The following PFKP variants were observed in gnomAD, a reference collection of about 807,000 sequenced individuals.
PFKP encodes phosphofructokinase, platelet.
A neutral mutation model predicts 94.3 loss-of-function variants in PFKP; 101 were observed. That is an observed-to-expected ratio of 1.07 (90% CI 0.91 to 1.26). The LOEUF (loss-of-function observed/expected upper bound fraction) is 1.26, where lower values mean the gene tolerates loss of function less well. PFKP is among the 50% of genes most tolerant of loss of function. The pLI is 0.00. For missense variants in PFKP, 1,145 were observed against 1,103.3 expected (o/e 1.04, Z -0.53); for synonymous variants, 573 against 432.6 (o/e 1.32, Z -4.03).
At chr10:3,113,071 T>C (rs7906901) in intron 11 of PFKP, 48 bp from the exon 12 acceptor site, 1,381,032 of 1,548,604 alleles carry the variant, frequency 0.89, 617,338 homozygotes, top group East Asian at 0.99. Context: ...AGCCCTGAGT[T>C]GTGTCCGGTA....
chr10:3,073,196 G>T (rs1343855664), intron 1 of PFKP, among the ~76,000 whole-genome samples: 3 of 151,828 alleles, frequency 2.0e-5, no homozygotes, highest in Non-Finnish European at 4.4e-5. Context: ...GGGTCAGCAG[G>T]GTGCTGAGTG....
chr10:3,135,367 A>G (rs1378487125), intron 20 of PFKP, among the ~76,000 whole-genome samples: 2 of 152,200 alleles, frequency 1.3e-5, no homozygotes, highest in Non-Finnish European at 2.9e-5. Flanking sequence ...TTCTTTCTAC[A>G]GCGATTTTCT....
chr10:3,118,746 G>A (rs1362817171), intron 14 of PFKP, 36 bp from the exon 15 acceptor site: 31 of 1,505,492 alleles, frequency 2.1e-5, no homozygotes, highest in Non-Finnish European at 2.9e-5. Context: ...TGGAGTTTGG[G>A]GTGTCTGACA....
At chr10:3,105,924 C>G (rs2388569) in intron 7 of PFKP, among the ~76,000 whole-genome samples, 1 of 152,024 alleles carries the variant, frequency 6.6e-6, no homozygotes, top group African/African-American at 2.4e-5. Flanking sequence ...CTTTCATGAC[C>G]TCTTTAGGCT....
chr10:3,126,928 C>T (rs1023577651), intron 16 of PFKP, among the ~76,000 whole-genome samples: 1 of 152,240 alleles, frequency 6.6e-6, no homozygotes, highest in Non-Finnish European at 1.5e-5. Context: ...ACAGGCTTTG[C>T]CTGACAAGTG....
chr10:3,122,613 T>A (rs1170588508), intron 16 of PFKP, among the ~76,000 whole-genome samples: 2 of 152,224 alleles, frequency 1.3e-5, no homozygotes, highest in Non-Finnish European at 2.9e-5. Flanking sequence ...CCGGCCACTG[T>A]CCTGAAGCCG....
chr10:3,117,009 G>T (rs559861797), intron 14 of PFKP, among the ~76,000 whole-genome samples, 163 bp downstream of exon 14: 1 of 152,214 alleles, frequency 6.6e-6, no homozygotes. Flanking sequence ...GGAACTGCCC[G>T]TGTTCCAGGG....
In PFKP at chr10:3,113,037, G is replaced by C. The variant is rs925350575; in HGVS notation, c.1155-82G>C. 11 of 1,275,508 alleles carry C rather than the reference G, an allele frequency of 8.6e-6. No homozygotes were observed. The African/African-American group carries it at 1.5e-4, about 17-fold the overall frequency. The allele number at this position is 1,275,508 out of a possible 1,614,324, so 79.0% of individuals were successfully genotyped here. A position where few individuals can be genotyped will look rare whatever the true frequency, so the allele number is the denominator to read the frequency against. On this transcript the variant is annotated intron_variant, in intron 11 of 21. Coordinates refer to ENST00000381125, the MANE Select transcript of PFKP (RefSeq NM_002627.5). Reference sequence around the variant, plus strand: ...CGGGCAGACACATTGAGTGCTGGCAGATAAGCCACCTTTTCTCCACATGAG... The same window carrying C: ...CGGGCAGACACATTGAGTGCTGGCACATAAGCCACCTTTTCTCCACATGAG...
chr10:3,076,212 C>G (rs1240528648), intron 1 of PFKP, among the ~76,000 whole-genome samples: 3 of 152,116 alleles, frequency 2.0e-5, no homozygotes, highest in Non-Finnish European at 4.4e-5. Context: ...CGCACGTGGC[C>G]AGCGGCTCCT....
Position 3,103,812 on chromosome 10 carries a change from C to G in PFKP, c.488C>G (p.Ala163Gly), listed in dbSNP as rs763008329. The part of the protein sequence containing the change: ...QIDKEAVQKY[A>G]YLNVVGMVGS... ...GATAAGGAGGCCGTGCAGAAGTACG[C>G]CTACCTCAACGTGGTGGGCATGGTG... Residue 163 changes from alanine to glycine, a missense_variant, in exon 5 of 22, where the codon GCC (alanine) becomes GGC (glycine). This residue lies in a region of PFKP where 1,119 missense variants were observed against 1,062.8 expected (regional missense o/e 1.05). Transcript: ENST00000381125. 1.9e-6 allele frequency: 3 copies of G among 1,613,908 alleles called. No individual in the cohort carries two copies. The highest frequency in any genetic ancestry group is 2.5e-6 in the Non-Finnish European group (3 of 1,180,042).
At chr10:3,136,062 G>C (rs902180430) in intron 21 of PFKP, among the ~76,000 whole-genome samples, 1 of 152,144 alleles carries the variant, frequency 6.6e-6, no homozygotes, top group Non-Finnish European at 1.5e-5. Context: ...TCAAGAGATC[G>C]AGACCAACCT....
At chr10:3,124,271 C>T (rs946532018) in intron 16 of PFKP, among the ~76,000 whole-genome samples, 1 of 152,198 alleles carries the variant, frequency 6.6e-6, no homozygotes, top group Middle Eastern at 3.2e-3. Context: ...TTGGTTTTGC[C>T]ACCACGTGGA....
intron 13 of PFKP, among the ~76,000 whole-genome samples, chr10:3,115,268 A>G (rs111315404): frequency 0.03 from 2,092 of 70,362 alleles, 132 homozygotes; most frequent in African/African-American, 0.11. Context: ...CTGGGGTGAA[A>G]GTGTGTGTCC....
chr10:3,113,037 G>T, intron 11 of PFKP, 82 bp from the exon 12 acceptor site: 1 of 1,275,626 alleles, frequency 7.8e-7, no homozygotes, highest in Non-Finnish European at 1.1e-6. Context: ...AGTGCTGGCA[G>T]ATAAGCCACC....
At position 3,102,182 on chromosome 10, in the gene PFKP, C is replaced by T. The variant is rs960495728; in HGVS notation, c.454+628C>T. Among the ~76,000 whole-genome samples the T allele has an allele frequency of 1.3e-3, 168 of 125,018 alleles. 1 individual carries two copies. Among genetic ancestry groups the T allele is most frequent in the African/African-American group, 4.7e-3 (159 of 33,730 alleles). The allele number at this position is 125,018 out of a possible 152,430, so 82.0% of individuals were successfully genotyped here. A position where few individuals can be genotyped will look rare whatever the true frequency, so the allele number is the denominator to read the frequency against. On this transcript the variant is annotated intron_variant, in intron 4 of 21. Coordinates refer to ENST00000381125, the MANE Select transcript of PFKP (RefSeq NM_002627.5). ...AGGAGAATGGCGTGAACCCGGGAGG[C>T]GGAGCTTGCAGTGAGCCGAGGTCCC...
At chr10:3,092,523 G>C (rs768095207) in intron 2 of PFKP, among the ~76,000 whole-genome samples, 1 of 152,102 alleles carries the variant, frequency 6.6e-6, no homozygotes, top group Admixed American at 6.5e-5. Context: ...GCAGCTGGGG[G>C]AGAGGACTGG....
At chr10:3,116,954 G>C (rs951659222) in intron 14 of PFKP, 108 bp downstream of exon 14, 3 of 867,536 alleles carry the variant, frequency 3.5e-6, no homozygotes, top group African/African-American at 3.3e-5. Context: ...CTGGAAAGGC[G>C]TCCCTAAGGG....
intron 4 of PFKP, 63 bp downstream of exon 4, chr10:3,101,617 A>G: frequency 8.2e-7 from 1 of 1,217,754 alleles, no homozygotes; most frequent in Non-Finnish European, 1.1e-6. Context: ...TTTGGAACCG[A>G]CAGGTTTCCC....
In PFKP at chr10:3,113,431, C is replaced by G. The variant is rs145014356; in HGVS notation, c.1284C>G (p.Ala428=). The change falls in exon 13 of 22, where the codon GCC becomes GCG. Residue 428 remains alanine, a synonymous_variant. Transcript: ENST00000381125. ...VGAPAAGMNA[A]VRSAVRVGIA... ...CACCCGCGGCTGGGATGAACGCAGC[C>G]GTACGCTCAGCTGTGCGCGTGGGCA... The G allele has an allele frequency of 1.3e-5, 21 of 1,609,118 alleles. No individual in the cohort carries two copies. In the Middle Eastern group the frequency reaches 4.9e-4, roughly 38 times the overall value.
Sources: gnomAD v4.1 joint callset for allele counts (sites outside exome capture counted in the v4.1 genomes callset) on GRCh38, gnomAD v4.1.1 for gene constraint, gnomAD v4.1.1 regional missense constraint, MANE v1.5 for transcripts, NCBI Gene and HGNC (gene_info 2026-07-23, HGNC 2026-07-21) for gene names.